Variants in CFI observed in about 807,000 individuals in gnomAD.
The protein encoded by CFI is complement factor I.
CFI carries 66 observed loss-of-function variants against 78.8 expected under a neutral mutation model. That is an observed-to-expected ratio of 0.84 (90% CI 0.69 to 1.03). CFI has a LOEUF of 1.03. CFI is among the 50% of genes least tolerant of loss of function. CFI has a pLI of 0.00. For missense variants in CFI, 706 were observed against 704.5 expected, an observed-to-expected ratio of 1.00 and a Z score of -0.02; for synonymous variants, 250 against 232.6, an observed-to-expected ratio of 1.07 and a Z score of -0.68.
chr4:109,782,042 C>T (rs1267152575), intron 1 of CFI, among the ~76,000 whole-genome samples: 1 of 152,182 alleles, frequency 6.6e-6, no homozygotes, highest in African/African-American at 2.4e-5. Context: ...GACAAACCCA[C>T]AGCCAACATA....
chr4:109,753,058 A>ATAATATATATTTAT (rs1561292338), intron 7 of CFI, among the ~76,000 whole-genome samples: 31 of 2,062 alleles, frequency 0.015, 1 homozygote, highest in African/African-American at 0.02. Flanking sequence ...TTATATATTT[A>ATAATATATATTTAT]TATATAAATA....
chr4:109,766,530 A>C (rs887472097), intron 2 of CFI, 24 bp downstream of exon 2: 1 of 1,612,912 alleles, frequency 6.2e-7, no homozygotes, highest in Admixed American at 1.7e-5. Context: ...TCATAGAATG[A>C]CTTGAAAACT....
intron 3 of CFI, among the ~76,000 whole-genome samples, chr4:109,763,589 A>G (rs1376046736): frequency 6.6e-6 from 1 of 152,110 alleles, no homozygotes; most frequent in African/African-American, 2.4e-5. Context: ...TGTGCTGTTT[A>G]TAAGGAACAT....
intron 11 of CFI, among the ~76,000 whole-genome samples, chr4:109,745,671 G>C (rs1260102146): frequency 2.0e-5 from 3 of 152,134 alleles, no homozygotes; most frequent in African/African-American, 7.2e-5. Flanking sequence ...TAGGTGCTGG[G>C]GAATAGGGAA....
chr4:109,764,719 A>C (rs760338800), intron 2 of CFI, 29 bp from the exon 3 acceptor site: 2 of 1,595,922 alleles, frequency 1.3e-6, no homozygotes, highest in East Asian at 4.5e-5. Flanking sequence ...ATAATGTGCA[A>C]TATGTAGCCA....
chr4:109,774,943 A>G (rs1729034424), intron 1 of CFI, among the ~76,000 whole-genome samples: 1 of 151,990 alleles, frequency 6.6e-6, no homozygotes, highest in Non-Finnish European at 1.5e-5. Context: ...AGGGTTATGA[A>G]CTTTCTTCTT....
At chr4:109,765,581 T>G (rs1727631558) in intron 2 of CFI, among the ~76,000 whole-genome samples, 1 of 152,124 alleles carries the variant, frequency 6.6e-6, no homozygotes, top group South Asian at 2.1e-4. Flanking sequence ...GACTTGAAAC[T>G]CAATTGGACT....
At chr4:109,735,620 G>T in the CFI span, among the ~76,000 whole-genome samples, 2 of 152,196 alleles carry the variant, frequency 1.3e-5, no homozygotes, top group Non-Finnish European at 1.5e-5. Flanking sequence ...CAGCCATAAT[G>T]GTTAATTTTT....
intron 1 of CFI, among the ~76,000 whole-genome samples, chr4:109,801,555 A>C (rs1056794009): frequency 4.6e-5 from 7 of 152,188 alleles, no homozygotes; most frequent in Non-Finnish European, 8.8e-5. Flanking sequence ...GCGTACTAAG[A>C]GGCTGTTGAA....
At chr4:109,778,690 T>G (rs1172395321) in intron 1 of CFI, among the ~76,000 whole-genome samples, 3 of 152,158 alleles carry the variant, frequency 2.0e-5, no homozygotes, top group African/African-American at 7.2e-5. Flanking sequence ...AAAAAGAATC[T>G]TAGACCAATA....
intron 8 of CFI, among the ~76,000 whole-genome samples, chr4:109,750,667 C>T (rs761846799): frequency 1.3e-5 from 2 of 152,040 alleles, no homozygotes; most frequent in Admixed American, 1.3e-4. Context: ...CCTTTATTTC[C>T]TCTCTATATT....
intron 1 of CFI, among the ~76,000 whole-genome samples, chr4:109,791,086 T>C (rs1731318782): frequency 6.6e-6 from 1 of 152,222 alleles, no homozygotes; most frequent in African/African-American, 2.4e-5. Context: ...GCATTCCTTT[T>C]TCTCCACAAC....
intron 8 of CFI, among the ~76,000 whole-genome samples, chr4:109,751,239 C>T (rs532788554): frequency 6.6e-6 from 1 of 152,022 alleles, no homozygotes; most frequent in Non-Finnish European, 1.5e-5. Context: ...TTTGGTCTCA[C>T]CCATCCTAAG....
chr4:109,761,930 C>G, intron 3 of CFI: 1 of 472,854 alleles, frequency 2.1e-6, no homozygotes, highest in East Asian at 4.1e-5. Context: ...TGGCTCACGC[C>G]TGTAATCCCA....
At position 109,801,875 on chromosome 4, in the gene CFI, T is replaced by G. The variant is rs1209719497; in HGVS notation, c.57+40A>C. 4 of 1,345,742 alleles carry G rather than the reference T, an allele frequency of 3.0e-6. No individual in the cohort carries two copies. In the Admixed American group the frequency reaches 6.8e-5, roughly 23 times the overall value. The allele number at this position is 1,345,742 out of a possible 1,614,324, so 83.4% of individuals were successfully genotyped here. A position where few individuals can be genotyped will look rare whatever the true frequency, so the allele number is the denominator to read the frequency against. On this transcript the variant is annotated intron_variant, in intron 1 of 12. Coordinates refer to ENST00000394634, the MANE Select transcript of CFI (RefSeq NM_000204.5). The stretch of plus-strand genomic sequence containing the variant: ...TTCTATGTTTTTACAACCTTTAAAT[T>G]ATCAATTAAAATTGTTTGCATAAAG...
chr4:109,788,299 T>A (rs1730992470), intron 1 of CFI, among the ~76,000 whole-genome samples: 1 of 152,138 alleles, frequency 6.6e-6, no homozygotes, highest in African/African-American at 2.4e-5. Flanking sequence ...AGATATTGGC[T>A]AATTTTGCTC....
intron 1 of CFI, among the ~76,000 whole-genome samples, chr4:109,795,378 C>A (rs1456120281): frequency 1.3e-5 from 2 of 152,196 alleles, no homozygotes; most frequent in Admixed American, 1.3e-4. Flanking sequence ...AAGACTTTTT[C>A]TGCCAAAGTC....
Position 109,801,964 on chromosome 4 carries a change from A to G in CFI, c.8T>C (p.Leu3Pro). Residue 3 changes from leucine (L) to proline (P), a missense_variant, in exon 1 of 13, where the codon CTT (leucine) becomes CCT (proline). By Grantham distance (98) the Leu-to-Pro change is moderately conservative. Coordinates refer to ENST00000394634, the MANE Select transcript of CFI (RefSeq NM_000204.5). The stretch of plus-strand genomic sequence containing the variant: ...CAGAAATAACAGGAAAACATGAAGA[A>G]GCTTCATGTTGGAGGTGTTCGGGGT... MK[L>P]LHVFLLFLCF... 1 of 1,611,962 alleles carries G rather than the reference A, an allele frequency of 6.2e-7. No individual in the cohort carries two copies. The highest frequency in any genetic ancestry group is 2.2e-5 in the East Asian group (1 of 44,842).
chr4:109,800,165 C>T (rs1030920949), intron 1 of CFI, among the ~76,000 whole-genome samples: 8 of 152,058 alleles, frequency 5.3e-5, no homozygotes, highest in Admixed American at 4.6e-4. Flanking sequence ...TTCTGCTTAA[C>T]ATTACCCCAG....
Sources: allele counts gnomAD v4.1 joint callset (sites outside exome capture counted in the v4.1 genomes callset), GRCh38; gene constraint gnomAD v4.1.1; transcripts MANE v1.5; gene names NCBI Gene and HGNC (gene_info 2026-07-23, HGNC 2026-07-21).